Variants in COBLL1 observed in about 807,000 individuals in gnomAD.
The protein encoded by COBLL1 is cordon-bleu WH2 repeat protein like 1.
COBLL1 carries 50 observed loss-of-function variants against 94.8 expected under a neutral mutation model. The ratio of observed to expected loss-of-function variants is 0.53; its 90% CI spans 0.42 to 0.67. The LOEUF (loss-of-function observed/expected upper bound fraction) is 0.67. Among genes scored for constraint, COBLL1 ranks in the 30% least tolerant of loss-of-function variants. The pLI is 0.00. For synonymous variants in COBLL1, 448 were observed against 473.8 expected, an observed-to-expected ratio of 0.95 and a Z score of 0.71; for missense variants, 1,362 against 1,348.7, an observed-to-expected ratio of 1.01 and a Z score of -0.15.
At chr2:164,710,858 C>T (rs925318833) in intron 7 of COBLL1, among the ~76,000 whole-genome samples, 6 of 152,150 alleles carry the variant, frequency 3.9e-5, no homozygotes, top group East Asian at 1.9e-4. Flanking sequence ...CCACTGTGCC[C>T]GGCCAGCAGC....
chr2:164,830,871 C>G (rs1218997962), intron 2 of COBLL1, among the ~76,000 whole-genome samples: 1 of 152,082 alleles, frequency 6.6e-6, no homozygotes, highest in African/African-American at 2.4e-5. Flanking sequence ...TTTCAGATTA[C>G]TAGCATTAAA....
At chr2:164,815,609 T>A (rs1684693189) in intron 2 of COBLL1, among the ~76,000 whole-genome samples, 1 of 152,160 alleles carries the variant, frequency 6.6e-6, no homozygotes, top group African/African-American at 2.4e-5. Context: ...TATGTGGTTG[T>A]TGCAGGAGGA....
rs71393632 is a variant in COBLL1 at position 164,683,005 on chromosome 2, TAC to T, written c.*2939_*2940del. On this transcript the variant is annotated 3_prime_UTR_variant, in exon 14 of 14. Transcript: ENST00000652658. Reference sequence around the variant, plus strand: ...CTCCTTTCATGTTAAGAAACACACATACACACACACACACACACACACACACA... The same window carrying T: ...CTCCTTTCATGTTAAGAAACACACATACACACACACACACACACACACACA... 0.02 allele frequency: 2,769 copies of T among 138,548 alleles called. 32 individuals carry two copies. The highest frequency in any genetic ancestry group is 0.04 in the South Asian group (168 of 4,164). 8.6% of individuals were successfully genotyped at this position (138,548 alleles called of 1,614,324 possible). A position where few individuals can be genotyped will look rare whatever the true frequency, so the allele number is the denominator to read the frequency against.
At chr2:164,658,031 G>A (rs969091046) in intron 2 of COBLL1, among the ~76,000 whole-genome samples, 3 of 151,974 alleles carry the variant, frequency 2.0e-5, no homozygotes, top group Non-Finnish European at 4.4e-5. Context: ...CCCGATCATT[G>A]TCCCTCCCGC....
chr2:164,692,248 C>T lies in COBLL1; in HGVS notation c.3273G>A (p.Ser1091=), dbSNP rs143772614. The change falls in exon 13 of 14, where the codon TCG becomes TCA. Residue 1091 remains serine, a synonymous_variant. Transcript: ENST00000652658. ...TTTTCAATTTGGCAGCAGCCTCTCCCGAACGGATTGCAGTCAGCAAACTCT... is the reference window on the plus strand; with the variant it reads ...TTTTCAATTTGGCAGCAGCCTCTCCTGAACGGATTGCAGTCAGCAAACTCT... The part of the protein sequence containing the change: ...MRQSLLTAIR[S]GEAAAKLKRV... 305 of 1,611,356 alleles carry T rather than the reference C, an allele frequency of 1.9e-4. No individual in the cohort carries two copies. The highest frequency in any genetic ancestry group is 2.4e-4 in the Non-Finnish European group (279 of 1,178,918).
chr2:164,669,632 A>G (rs1204757991), intron 1 of COBLL1, among the ~76,000 whole-genome samples: 1 of 152,156 alleles, frequency 6.6e-6, no homozygotes, highest in African/African-American at 2.4e-5. Context: ...GATGTACCCA[A>G]TTGGGAACAC....
intron 2 of COBLL1, among the ~76,000 whole-genome samples, chr2:164,746,177 C>A (rs1303837851): frequency 6.6e-6 from 1 of 152,080 alleles, no homozygotes; most frequent in Non-Finnish European, 1.5e-5. Context: ...TAAATAGACC[C>A]AGAATCCACC....
intron 9 of COBLL1, among the ~76,000 whole-genome samples, 164 bp downstream of exon 9, chr2:164,704,280 C>T (rs1013670313): frequency 2.0e-5 from 3 of 152,118 alleles, no homozygotes; most frequent in East Asian, 1.9e-4. Context: ...GGTTGAGGGG[C>T]AGAGGGGTGG....
intron 2 of COBLL1, among the ~76,000 whole-genome samples, chr2:164,748,377 T>C (rs1222066430): frequency 6.6e-6 from 1 of 152,170 alleles, no homozygotes. Context: ...GGCTCCGAAG[T>C]AATAACAAAA....
Position 164,841,698 on chromosome 2 carries a change from C to T in COBLL1, c.-51+12G>A. 2.2e-6 allele frequency: 1 copy of T among 456,948 alleles called. No homozygotes were observed. 28.3% of individuals were successfully genotyped at this position (456,948 alleles called of 1,614,324 possible). On this transcript the variant is annotated intron_variant, in intron 1 of 13. Coordinates refer to ENST00000652658, the MANE Select transcript of COBLL1 (RefSeq NM_001365672.2). This position sits in a 1 kb window ranked among gnomAD's most constrained non-coding sequence, Gnocchi z 5.5. ...GAGGGCTGATCTCTCTTTTCCCACC[C>T]AAGGCTCCTACGTTCTTTTCCAAAG...
intron 2 of COBLL1, chr2:164,761,456 CA>C (rs60352455): frequency 0.31 from 39,887 of 128,142 alleles, 5,685 homozygotes; most frequent in African/African-American, 0.42. Flanking sequence ...AACTCCATCT[CA>C]AAAAAAAAAA....
intron 2 of COBLL1, among the ~76,000 whole-genome samples, chr2:164,827,837 G>C (rs1559054773): frequency 6.6e-6 from 1 of 152,166 alleles, no homozygotes; most frequent in Non-Finnish European, 1.5e-5. Context: ...TTTATGTCTT[G>C]TTAAACAACC....
At position 164,759,954 on chromosome 2, in the gene COBLL1, T is replaced by C. The variant is rs77909273; in HGVS notation, c.42-16079A>G. ...TCATATGTGGCTTGTATAATGTGAA[T>C]GCAAAACGGTGAAGGCCACTCTGGG... On this transcript the variant is annotated intron_variant, in intron 2 of 13. Transcript: ENST00000652658. Among the ~76,000 whole-genome samples, 879 of 152,286 alleles carry C rather than the reference T, an allele frequency of 5.8e-3. 11 individuals carry two copies. Among genetic ancestry groups the C allele is most frequent in the African/African-American group, 0.02 (830 of 41,570 alleles).
At chr2:164,686,498 C>CA (rs913996493) in intron 13 of COBLL1, among the ~76,000 whole-genome samples, 3 of 151,164 alleles carry the variant, frequency 2.0e-5, no homozygotes, top group Non-Finnish European at 3.0e-5. Flanking sequence ...TTATTCAAAA[C>CA]AAAAAAACTA....
At chr2:164,829,558 AT>A (rs979845769) in intron 2 of COBLL1, among the ~76,000 whole-genome samples, 3 of 152,146 alleles carry the variant, frequency 2.0e-5, no homozygotes, top group African/African-American at 7.2e-5. Context: ...ATGAAATTTA[AT>A]TTTTTTCCAT....
chr2:164,679,309 G>T (rs1682937224), downstream of COBLL1, among the ~76,000 whole-genome samples: 2 of 152,030 alleles, frequency 1.3e-5, no homozygotes, highest in Admixed American at 1.3e-4. Flanking sequence ...TTTCAAAATG[G>T]CAGAATAAGT....
At chr2:164,698,146 AT>A (rs1684050972) in intron 11 of COBLL1, 1 of 152,064 alleles carries the variant, frequency 6.6e-6, no homozygotes, top group Admixed American at 6.5e-5. Flanking sequence ...AACAAAAATG[AT>A]ACAACTTGAC....
chr2:164,722,064 A>G lies in COBLL1; in HGVS notation c.996+11T>C. 1 of 1,551,242 alleles carries G rather than the reference A, an allele frequency of 6.4e-7. No homozygotes were observed. Among genetic ancestry groups the G allele is most frequent in the Non-Finnish European group, 8.7e-7 (1 of 1,149,812 alleles). ...ATCCAAAAAAACAAAATAGAAAACA[A>G]AACTACACACCTTATCTGTCTCATC... On this transcript the variant is annotated intron_variant, in intron 7 of 13. Coordinates refer to ENST00000652658, the MANE Select transcript of COBLL1 (RefSeq NM_001365672.2).
chr2:164,701,590 C>A (rs951700590), intron 9 of COBLL1, among the ~76,000 whole-genome samples: 1 of 152,010 alleles, frequency 6.6e-6, no homozygotes, highest in African/African-American at 2.4e-5. Context: ...TTTCCACTTA[C>A]AATATCTTAA....
Sources: allele counts gnomAD v4.1 joint callset (sites outside exome capture counted in the v4.1 genomes callset), GRCh38; gene constraint gnomAD v4.1.1; non-coding constraint Gnocchi (gnomAD v3.1); transcripts MANE v1.5; gene names NCBI Gene and HGNC (gene_info 2026-07-23, HGNC 2026-07-21).